The following PDE4D variants were observed in gnomAD, a reference collection of about 807,000 sequenced individuals.
PDE4D encodes 3',5'-cyclic-AMP phosphodiesterase 4D.
In PDE4D, 24 loss-of-function variants were observed where a neutral mutation model predicts 87.4. The ratio of observed to expected loss-of-function variants is 0.27; its 90% CI spans 0.20 to 0.39. The LOEUF is 0.39. PDE4D is among the 10% of genes least tolerant of loss of function. PDE4D has a pLI of 1.00. For synonymous variants in PDE4D, 384 were observed against 383.2 expected (o/e 1.00, Z -0.02); for missense variants, 714 against 1,041.0 (o/e 0.69, Z 4.32).
At chr5:60,115,449 C>T (rs1376807173) in intron 2 of PDE4D, among the ~76,000 whole-genome samples, 1 of 152,000 alleles carries the variant, frequency 6.6e-6, no homozygotes, top group African/African-American at 2.4e-5. Flanking sequence ...ATTGAAGACA[C>T]CAAATAATGA....
intron 6 of PDE4D, among the ~76,000 whole-genome samples, chr5:59,022,540 T>C (rs1044489589): frequency 6.6e-6 from 1 of 152,170 alleles, no homozygotes; most frequent in African/African-American, 2.4e-5. Flanking sequence ...TCCTATATCT[T>C]CTCTATCTGC....
intron 2 of PDE4D, among the ~76,000 whole-genome samples, chr5:59,199,851 T>C (rs28694209): frequency 1.3e-5 from 2 of 151,934 alleles, no homozygotes; most frequent in Admixed American, 6.6e-5. Context: ...TATGTATATA[T>C]ACATACATGT....
intron 1 of PDE4D, among the ~76,000 whole-genome samples, chr5:60,399,168 C>A (rs1382770416): frequency 6.6e-6 from 1 of 152,148 alleles, no homozygotes; most frequent in Non-Finnish European, 1.5e-5. Flanking sequence ...CTTCTCCAAT[C>A]CAATTTCTTG....
intron 1 of PDE4D, among the ~76,000 whole-genome samples, chr5:59,270,045 T>C (rs915321020): frequency 1.8e-4 from 28 of 152,290 alleles, no homozygotes; most frequent in African/African-American, 6.7e-4. Flanking sequence ...ACTTCATGAC[T>C]TTAAAGAGTA....
intron 1 of PDE4D, among the ~76,000 whole-genome samples, chr5:59,384,376 G>A (rs1050142327): frequency 3.3e-5 from 5 of 152,224 alleles, no homozygotes; most frequent in Non-Finnish European, 5.9e-5. Context: ...GCAGCCAAGC[G>A]TTGATTCGCT....
chr5:59,451,858 T>C lies in PDE4D; in HGVS notation c.456-235890A>G, dbSNP rs546648131. 1.1e-4 allele frequency among the ~76,000 whole-genome samples: 17 copies of C among 152,350 alleles called. 1 individual carries two copies. The East Asian group carries it at 3.3e-3, about 29-fold the overall frequency. On this transcript the variant is annotated intron_variant, in intron 1 of 14. Transcript: ENST00000340635. ...CCACTGTAATGTCTTCCAATGAGCT[T>C]GACAGCCCTCAAACATTCTTGACCT...
chr5:59,491,591 T>C (rs1014759652), intron 1 of PDE4D, among the ~76,000 whole-genome samples: 1 of 152,216 alleles, frequency 6.6e-6, no homozygotes, highest in Non-Finnish European at 1.5e-5. Flanking sequence ...GCCTTGGTTA[T>C]GCAAAATTCA....
intron 2 of PDE4D, among the ~76,000 whole-genome samples, chr5:60,104,592 G>C (rs1237291308): frequency 1.3e-5 from 2 of 152,198 alleles, no homozygotes; most frequent in Non-Finnish European, 2.9e-5. Flanking sequence ...CCCCCGAGCA[G>C]CCTAACTGGG....
chr5:59,630,806 C>T (rs1389078409), intron 1 of PDE4D, among the ~76,000 whole-genome samples: 1 of 152,152 alleles, frequency 6.6e-6, no homozygotes, highest in Non-Finnish European at 1.5e-5. Context: ...GAGGCCTGCA[C>T]GTGTCTGTTA....
intron 1 of PDE4D, among the ~76,000 whole-genome samples, chr5:59,222,284 T>G (rs1264574988): frequency 6.6e-6 from 1 of 152,314 alleles, no homozygotes; most frequent in East Asian, 1.9e-4. Context: ...TCATTTCTCA[T>G]CTTTTTGGCC....
chr5:59,253,504 C>T (rs914174994), intron 1 of PDE4D, among the ~76,000 whole-genome samples: 6 of 152,008 alleles, frequency 3.9e-5, no homozygotes, highest in African/African-American at 1.4e-4. Flanking sequence ...CTACACACAG[C>T]GTACTCCTCA....
intron 1 of PDE4D, among the ~76,000 whole-genome samples, chr5:59,675,438 G>A (rs434368): frequency 0.34 from 52,164 of 151,694 alleles, 10,649 homozygotes; most frequent in East Asian, 0.69. Context: ...ATATGAAATG[G>A]CAATGGACAA....
intron 5 of PDE4D, among the ~76,000 whole-genome samples, chr5:59,156,634 C>T (rs949778420): frequency 3.9e-5 from 6 of 151,916 alleles, no homozygotes; most frequent in African/African-American, 1.2e-4. Flanking sequence ...GATTTTAGAG[C>T]AGCCACAGCA....
chr5:60,494,671 G>A (rs1038591400), intron 1 of PDE4D, among the ~76,000 whole-genome samples: 1 of 152,178 alleles, frequency 6.6e-6, no homozygotes, highest in Non-Finnish European at 1.5e-5. Flanking sequence ...GCCATCCCCA[G>A]AGTAGCAGAT....
chr5:60,107,661 T>A (rs1777150605), intron 2 of PDE4D, among the ~76,000 whole-genome samples: 2 of 152,176 alleles, frequency 1.3e-5, no homozygotes, highest in Admixed American at 1.3e-4. Flanking sequence ...TTATCCACCA[T>A]GATCAAGTGG....
At chr5:59,031,764 T>C (rs1182136526) in intron 6 of PDE4D, among the ~76,000 whole-genome samples, 1 of 126,928 alleles carries the variant, frequency 7.9e-6, no homozygotes, top group African/African-American at 2.9e-5. Context: ...AAGAAAGAAA[T>C]TCTGTCATTC....
intron 1 of PDE4D, among the ~76,000 whole-genome samples, chr5:59,824,750 C>G (rs539484760): frequency 6.6e-6 from 1 of 152,242 alleles, no homozygotes; most frequent in Non-Finnish European, 1.5e-5. Context: ...TCCACTGAGC[C>G]CTTACATGCA....
intron 6 of PDE4D, among the ~76,000 whole-genome samples, chr5:59,016,090 A>G (rs1160217154): frequency 6.6e-6 from 1 of 152,146 alleles, no homozygotes; most frequent in Non-Finnish European, 1.5e-5. Flanking sequence ...GAACACTTGG[A>G]CACAGGATGG....
At chr5:60,434,538 A>G (rs1382332616) in intron 1 of PDE4D, among the ~76,000 whole-genome samples, 1 of 152,186 alleles carries the variant, frequency 6.6e-6, no homozygotes, top group African/African-American at 2.4e-5. Context: ...GATTTAATGG[A>G]TTTAAATGGA....
Sources: allele counts gnomAD v4.1 joint callset (sites outside exome capture counted in the v4.1 genomes callset), GRCh38; gene constraint gnomAD v4.1.1; transcripts MANE v1.5; gene names NCBI Gene and HGNC (gene_info 2026-07-23, HGNC 2026-07-21).